RAB1B: variants seen among roughly 807,000 people sequenced by gnomAD.
RAB1B encodes the protein ras-related protein Rab-1B.
In RAB1B, 10 loss-of-function variants were observed where a neutral mutation model predicts 24.8. The observed-to-expected ratio is 0.40, with a 90% CI of 0.25 to 0.68. The LOEUF (loss-of-function observed/expected upper bound fraction) is 0.68. RAB1B is among the 30% of genes least tolerant of loss of function. RAB1B has a pLI of 0.37. For missense variants in RAB1B, 154 were observed against 271.2 expected (o/e 0.57, Z 3.04); for synonymous variants, 99 against 111.7 (o/e 0.89, Z 0.72).
At position 66,272,345 on chromosome 11, in the gene RAB1B, C is replaced by T. The variant is rs760674439; in HGVS notation, c.184-20C>T. ...ACTCTGGACCTCAGCTGACCTGCTC[C>T]TCTGCCTACTGTCTCCTAGTGGGAC... On this transcript the variant is annotated intron_variant, in intron 3 of 5. Transcript: ENST00000311481. 4.3e-6 allele frequency: 7 copies of T among 1,611,484 alleles called. 2 individuals are homozygous for T. In the South Asian group the frequency reaches 7.7e-5, roughly 18 times the overall value.
At chr11:66,272,715 T>G in intron 4 of RAB1B, 4 of 304,082 alleles carry the variant, frequency 1.3e-5, no homozygotes, top group Non-Finnish European at 1.8e-5. Flanking sequence ...GCCTCACACC[T>G]TCCCTCCCCA....
At chr11:66,272,076 G>A (rs1339279402) in intron 2 of RAB1B, 81 bp from the exon 3 acceptor site, 2 of 1,110,602 alleles carry the variant, frequency 1.8e-6, no homozygotes, top group African/African-American at 1.5e-5. Flanking sequence ...GACCCAGCTG[G>A]GGCAGGGAAC....
Position 66,276,436 on chromosome 11 carries a change from C to A in RAB1B, c.*198C>A. 1.7e-6 allele frequency: 1 copy of A among 576,420 alleles called. No individual in the cohort carries two copies. The highest frequency in any genetic ancestry group is 2.9e-6 in the Non-Finnish European group (1 of 341,384). The allele number at this position is 576,420 out of a possible 1,614,324, so 35.7% of individuals were successfully genotyped here. On this transcript the variant is annotated 3_prime_UTR_variant, in exon 6 of 6. Transcript: ENST00000311481. The stretch of plus-strand genomic sequence containing the variant: ...CTGTCAGGGTCCCTAAGGGAGGACA[C>A]TCAGGGCCTGTGGCCAGGCAGGGCG...
chr11:66,270,741 C>G (rs1390808509), intron 1 of RAB1B: 1 of 152,290 alleles, frequency 6.6e-6, no homozygotes, highest in Non-Finnish European at 1.5e-5. Context: ...GGGTTTTCAA[C>G]TTAATAGGTT....
At chr11:66,268,871 C>T (rs538752721) in intron 1 of RAB1B, among the ~76,000 whole-genome samples, 178 bp downstream of exon 1, 1 of 137,978 alleles carries the variant, frequency 7.2e-6, no homozygotes, top group South Asian at 2.6e-4. Context: ...GCCCCAGGAC[C>T]CCGGCTCAAA....
chr11:66,272,097 C>T, intron 2 of RAB1B, 60 bp from the exon 3 acceptor site: 3 of 1,255,868 alleles, frequency 2.4e-6, no homozygotes, highest in Non-Finnish European at 3.5e-6. Context: ...TGGAGGGAGG[C>T]TCTCCAAGTG....
At position 66,275,920 on chromosome 11, in the gene RAB1B, C is replaced by G. The variant is rs762684370; in HGVS notation, c.396C>G (p.Asp132Glu). ...KSDLTTKKVV[D>E]NTTAKEFADS... ...ACCTCACCACCAAGAAGGTGGTGGA[C>G]AACACCACAGCCAAGGTAGCAGACG... The change falls in exon 5 of 6, where the codon GAC becomes GAG. Residue 132 changes from aspartate (D) to glutamate (E), a missense_variant. By Grantham distance (45) the Asp-to-Glu change is conservative. Transcript: ENST00000311481. The G allele has an allele frequency of 6.2e-7, 1 of 1,611,632 alleles. No homozygotes were observed. The highest frequency in any genetic ancestry group is 1.3e-5 in the African/African-American group (1 of 75,050).
Position 66,276,509 on chromosome 11 carries a change from C to A in RAB1B, c.*271C>A. The stretch of plus-strand genomic sequence containing the variant: ...CTAGGTGACTTTCCAAGATGCCCCC[C>A]TACACACCTTTCTTTGGAACGAGGG... On this transcript the variant is annotated 3_prime_UTR_variant, in exon 6 of 6. Coordinates refer to ENST00000311481, the MANE Select transcript of RAB1B (RefSeq NM_030981.3). The A allele has an allele frequency of 2.2e-6, 1 of 448,864 alleles. No homozygotes were observed. The highest frequency in any genetic ancestry group is 3.9e-5 in the East Asian group (1 of 25,634). The allele number at this position is 448,864 out of a possible 1,614,324, so 27.8% of individuals were successfully genotyped here. A position where few individuals can be genotyped will look rare whatever the true frequency, so the allele number is the denominator to read the frequency against.
chr11:66,275,705 C>T (rs1348026520), intron 4 of RAB1B, 99 bp from the exon 5 acceptor site: 1 of 1,324,744 alleles, frequency 7.5e-7, no homozygotes, highest in Non-Finnish European at 1.0e-6. Flanking sequence ...ACTTAAGGGG[C>T]CCGGAGCTGT....
At chr11:66,271,562 C>A in intron 1 of RAB1B, 1 of 359,308 alleles carries the variant, frequency 2.8e-6, no homozygotes, top group Non-Finnish European at 5.1e-6. Flanking sequence ...CCCAGCTACG[C>A]AGGAAGCTGA....
chr11:66,271,721 C>G, intron 1 of RAB1B, 76 bp from the exon 2 acceptor site: 3 of 1,030,210 alleles, frequency 2.9e-6, no homozygotes, highest in Non-Finnish European at 1.5e-6. Context: ...GTGGGGGAAT[C>G]CTGTAATTGT....
chr11:66,270,556 G>A (rs1044025595), intron 1 of RAB1B: 1 of 152,410 alleles, frequency 6.6e-6, no homozygotes, highest in Non-Finnish European at 1.5e-5. Context: ...CCAGCCTGGT[G>A]AGAGAGCGAG....
intron 4 of RAB1B, among the ~76,000 whole-genome samples, chr11:66,275,601 G>A (rs1038392476): frequency 2.0e-5 from 3 of 152,170 alleles, no homozygotes; most frequent in Non-Finnish European, 4.4e-5. Context: ...CAGGCTGCTG[G>A]GGCTGTTCTG....
intron 4 of RAB1B, 104 bp from the exon 5 acceptor site, chr11:66,275,700 A>C (rs1328628017): frequency 8.5e-6 from 11 of 1,292,544 alleles, no homozygotes; most frequent in Non-Finnish European, 1.0e-5. Context: ...CCAGGACTTA[A>C]GGGGCCCGGA....
At chr11:66,273,967 A>G (rs1857101394) in intron 4 of RAB1B, among the ~76,000 whole-genome samples, 1 of 151,964 alleles carries the variant, frequency 6.6e-6, no homozygotes, top group African/African-American at 2.4e-5. Flanking sequence ...CTCTATCCCC[A>G]TTTTTAATAT....
At chr11:66,268,825 C>CCG in intron 1 of RAB1B, 132 bp downstream of exon 1, 1 of 941,384 alleles carries the variant, frequency 1.1e-6, no homozygotes, top group Non-Finnish European at 1.4e-6. Context: ...TCCGCTGACC[C>CCG]CCCCCCACAT....
intron 3 of RAB1B, 50 bp downstream of exon 3, chr11:66,272,302 G>A (rs2134862376): frequency 1.9e-6 from 3 of 1,600,086 alleles, no homozygotes; most frequent in East Asian, 4.5e-5. Flanking sequence ...TCCACCTTGG[G>A]AGGGAAGGGA....
In RAB1B at chr11:66,272,268, C is replaced by A. The variant is rs986695235; in HGVS notation, c.183+16C>A. 3 of 1,608,626 alleles carry A rather than the reference C, an allele frequency of 1.9e-6. No homozygotes were observed. The highest frequency in any genetic ancestry group is 2.6e-6 in the Non-Finnish European group (3 of 1,175,084). Reference sequence around the variant, plus strand: ...ACTTCAGATCGTGAGTGTCGCTCTTCCCAAAATCCCCAGTACAGAGGTATC... The same window carrying A: ...ACTTCAGATCGTGAGTGTCGCTCTTACCAAAATCCCCAGTACAGAGGTATC... On this transcript the variant is annotated intron_variant, in intron 3 of 5. Coordinates refer to ENST00000311481, the MANE Select transcript of RAB1B (RefSeq NM_030981.3).
intron 1 of RAB1B, among the ~76,000 whole-genome samples, chr11:66,269,118 C>T (rs1456299152): frequency 6.6e-6 from 1 of 152,102 alleles, no homozygotes; most frequent in Non-Finnish European, 1.5e-5. Flanking sequence ...GTGAATCCCT[C>T]TACCCTTCTC....
Sources: allele counts gnomAD v4.1 joint callset (sites outside exome capture counted in the v4.1 genomes callset), GRCh38; gene constraint gnomAD v4.1.1; transcripts MANE v1.5; gene names NCBI Gene and HGNC (gene_info 2026-07-23, HGNC 2026-07-21).